The following IFT46 variants were observed in gnomAD, a reference collection of about 807,000 sequenced individuals.
The protein encoded by IFT46 is intraflagellar transport protein 46 homolog.
IFT46 carries 19 observed loss-of-function variants against 39.6 expected under a neutral mutation model. The ratio of observed to expected loss-of-function variants is 0.48; its 90% CI spans 0.33 to 0.70. The LOEUF (loss-of-function observed/expected upper bound fraction) is 0.70. Ranked by LOEUF, IFT46 falls within the 30% of genes least tolerant of loss-of-function variation. The probability of loss-of-function intolerance (pLI) is 0.01; values close to 1 mark genes in which losing one functional copy is unlikely to be tolerated. For missense variants in IFT46, 334 were observed against 364.8 expected (o/e 0.92, Z 0.69); for synonymous variants, 117 against 134.8 (o/e 0.87, Z 0.91).
At chr11:118,557,141 C>T in intron 3 of IFT46, 96 bp from the exon 4 acceptor site, 2 of 1,110,178 alleles carry the variant, frequency 1.8e-6, no homozygotes, top group Non-Finnish European at 2.4e-6. Context: ...ACACCAACCA[C>T]CTGGCACCTC....
intron 1 of IFT46, chr11:118,572,534 C>G (rs781872834): frequency 4.2e-5 from 67 of 1,611,478 alleles, no homozygotes; most frequent in Admixed American, 1.7e-5. Context: ...GCGCGCCCCA[C>G]CACCGCCCTC....
In IFT46 at chr11:118,555,075, G is replaced by A. The variant is rs143391860; in HGVS notation, c.269C>T (p.Pro90Leu). The change falls in exon 6 of 12, where the codon CCT becomes CTT. Residue 90 changes from proline to leucine, a missense_variant. Coordinates refer to ENST00000264021, the MANE Select transcript of IFT46 (RefSeq NM_001168618.2). ...TTTGTGGTCCAGGTCAATCAACTGAGGTGTGTACCTAGGAGATATTGCCAA... is the reference window on the plus strand; with the variant it reads ...TTTGTGGTCCAGGTCAATCAACTGAAGTGTGTACCTAGGAGATATTGCCAA... Reference protein sequence around the residue: ...ELFQYISRYTPQLIDLDHKLK... With the variant: ...ELFQYISRYTLQLIDLDHKLK... 950 of 1,612,396 alleles carry A rather than the reference G, an allele frequency of 5.9e-4. 3 individuals are homozygous for A. The highest frequency in any genetic ancestry group is 3.0e-3 in the Middle Eastern group (18 of 6,058).
rs781914508 is a variant in IFT46 at position 118,556,940 on chromosome 11, CATCAGA to C, written c.145_150del (p.Ser49_Asp50del). On this transcript the variant is annotated inframe_deletion, in exon 4 of 12. Coordinates refer to ENST00000264021, the MANE Select transcript of IFT46 (RefSeq NM_001168618.2). Reference sequence around the variant, plus strand: ...GGGGCTCCATGCTCTTCATCATCATCATCAGAATCAGAATCAGTTTCAGATGAATCA... The same window carrying C: ...GGGGCTCCATGCTCTTCATCATCATCATCAGAATCAGTTTCAGATGAATCA... The C allele has an allele frequency of 3.0e-5, 48 of 1,609,620 alleles. No individual in the cohort carries two copies. The highest frequency in any genetic ancestry group is 1.7e-4 in the Middle Eastern group (1 of 6,040).
At chr11:118,570,842 A>G (rs1335638202), upstream of IFT46, among the ~76,000 whole-genome samples, 1 of 152,200 alleles carries the variant, frequency 6.6e-6, no homozygotes, top group Admixed American at 6.5e-5. Flanking sequence ...TACAAATCAT[A>G]AAAATTCACC....
At chr11:118,557,526 T>G (rs1937882151) in intron 3 of IFT46, 1 of 578,270 alleles carries the variant, frequency 1.7e-6, no homozygotes, top group African/African-American at 1.9e-5. Flanking sequence ...TGCTTGAAAC[T>G]ATCAAAAGAA....
intron 3 of IFT46, among the ~76,000 whole-genome samples, chr11:118,558,957 T>C (rs1470642340): frequency 1.8e-4 from 27 of 148,676 alleles, no homozygotes; most frequent in African/African-American, 6.6e-4. Flanking sequence ...CACAGTGGCT[T>C]GTGCCTGTAA....
chr11:118,550,487 T>C (rs144424384), intron 9 of IFT46, among the ~76,000 whole-genome samples: 5,580 of 152,206 alleles, frequency 0.037, 130 homozygotes, highest in Non-Finnish European at 0.054. Flanking sequence ...CCTTCTTTTA[T>C]TTATTTGTTT....
chr11:118,547,744 C>CTTTTTT (rs1233612951), intron 9 of IFT46, among the ~76,000 whole-genome samples: 102 of 91,172 alleles, frequency 1.1e-3, no homozygotes, highest in Non-Finnish European at 1.5e-3. Flanking sequence ...CTTTTCTTTT[C>CTTTTTT]TTTTTTTTTT....
intron 9 of IFT46, chr11:118,546,505 G>A (rs538641120): frequency 2.8e-5 from 6 of 213,254 alleles, no homozygotes; most frequent in South Asian, 2.1e-4. Flanking sequence ...AGGAAGGAAG[G>A]GAGGGAGGGA....
upstream of IFT46, among the ~76,000 whole-genome samples, chr11:118,566,522 C>A (rs1198754290): frequency 1.3e-5 from 2 of 152,146 alleles, no homozygotes; most frequent in Admixed American, 6.5e-5. Flanking sequence ...GAAACCCCGT[C>A]TCTACTAAAA....
chr11:118,557,487 C>A, intron 3 of IFT46: 2 of 490,518 alleles, frequency 4.1e-6, no homozygotes, highest in Non-Finnish European at 7.2e-6. Flanking sequence ...AAATCTAATA[C>A]TTAATTTGCA....
chr11:118,560,085 T>C, intron 2 of IFT46: 2 of 521,886 alleles, frequency 3.8e-6, no homozygotes, highest in South Asian at 2.5e-5. Flanking sequence ...GGGTTAGACA[T>C]TATACTATTC....
chr11:118,551,068 TTAC>T (rs1951795205), intron 9 of IFT46, among the ~76,000 whole-genome samples: 2 of 147,822 alleles, frequency 1.4e-5, no homozygotes, highest in Non-Finnish European at 3.0e-5. Context: ...ATATATCAAA[TTAC>T]CACATATACA....
chr11:118,544,982 TTTC>T lies in IFT46; in HGVS notation c.846_848del (p.Lys283del), dbSNP rs1228821142. On this transcript the variant is annotated inframe_deletion, in exon 12 of 12. Coordinates refer to ENST00000264021, the MANE Select transcript of IFT46 (RefSeq NM_001168618.2). ...TGGAATTGGATGAAGGAGTGAATGC[TTTC>T]TTGCCTTCAGCGAGAGCTTTAAAAT... 6.2e-7 allele frequency: 1 copy of T among 1,613,358 alleles called. No homozygotes were observed. Among genetic ancestry groups the T allele is most frequent in the Non-Finnish European group, 8.5e-7 (1 of 1,179,640 alleles).
At position 118,557,043 on chromosome 11, in the gene IFT46, C is replaced by G. The variant is rs150643626; in HGVS notation, c.48G>C (p.Glu16Asp). 1.3e-6 allele frequency: 2 copies of G among 1,599,164 alleles called. No homozygotes were observed. Among genetic ancestry groups the G allele is most frequent in the Non-Finnish European group, 1.7e-6 (2 of 1,173,402 alleles). ...SDECEEENNK[E>D]KKKTSQLTPQ... ...GTGTCAACTGTGAGGTCTTCTTCTT[C>G]TCCTGTGATAGGGCAGGGCAGGCAT... Residue 16 changes from glutamate (E) to aspartate (D), a missense_variant and splice_region_variant, in exon 4 of 12, where the codon GAG (glutamate) becomes GAC (aspartate). Transcript: ENST00000264021.
chr11:118,552,389 T>C (rs2135488127), intron 7 of IFT46, 54 bp from the exon 8 acceptor site: 2 of 1,600,280 alleles, frequency 1.2e-6, no homozygotes, highest in African/African-American at 2.7e-5. Flanking sequence ...CTCTCTTGTT[T>C]TTACAGTGTC....
upstream of IFT46, among the ~76,000 whole-genome samples, chr11:118,568,760 G>A (rs1233009933): frequency 6.6e-6 from 1 of 150,938 alleles, no homozygotes; most frequent in African/African-American, 2.4e-5. Context: ...TCTGCCTCGG[G>A]GTTCAAGCGA....
At chr11:118,548,412 T>C (rs1236977314) in intron 9 of IFT46, among the ~76,000 whole-genome samples, 1 of 147,888 alleles carries the variant, frequency 6.8e-6, no homozygotes, top group Non-Finnish European at 1.5e-5. Context: ...GTCATGAGGC[T>C]GGAATACAGT....
intron 1 of IFT46, among the ~76,000 whole-genome samples, chr11:118,565,364 G>C (rs11216900): frequency 0.15 from 23,078 of 151,272 alleles, 2,230 homozygotes; most frequent in East Asian, 0.49. Flanking sequence ...CGCAAGGGCA[G>C]AACACTATTT....
Sources: gnomAD v4.1 joint callset for allele counts (sites outside exome capture counted in the v4.1 genomes callset) on GRCh38, gnomAD v4.1.1 for gene constraint, MANE v1.5 for transcripts, NCBI Gene and HGNC (gene_info 2026-07-23, HGNC 2026-07-21) for gene names.